Variants in DCC observed in about 807,000 individuals in gnomAD.
DCC encodes DCC netrin 1 receptor.
DCC carries 58 observed loss-of-function variants against 172.5 expected under a neutral mutation model. The ratio of observed to expected loss-of-function variants is 0.34; its 90% CI spans 0.27 to 0.42. The LOEUF is 0.42. Among genes scored for constraint, DCC ranks in the 10% least tolerant of loss-of-function variants. The pLI, the probability that DCC is intolerant of heterozygous loss-of-function variation, is 1.00. For missense variants in DCC, 1,740 were observed against 1,791.0 expected, an observed-to-expected ratio of 0.97 and a Z score of 0.51; for synonymous variants, 709 against 644.5, an observed-to-expected ratio of 1.10 and a Z score of -1.52.
chr18:52,579,197 T>TG (rs1423569189), intron 1 of DCC, among the ~76,000 whole-genome samples: 1 of 152,230 alleles, frequency 6.6e-6, no homozygotes, highest in Non-Finnish European at 1.5e-5. Flanking sequence ...TAAGCTGAAA[T>TG]GAAATGTTCT....
At chr18:53,174,973 T>A (rs370799051) in intron 8 of DCC, among the ~76,000 whole-genome samples, 27 of 152,164 alleles carry the variant, frequency 1.8e-4, no homozygotes, top group African/African-American at 6.0e-4. Context: ...AAAAGCTTAT[T>A]CACCATGATC....
intron 15 of DCC, among the ~76,000 whole-genome samples, chr18:53,370,225 G>A (rs1004228583): frequency 1.3e-5 from 2 of 151,610 alleles, no homozygotes; most frequent in Non-Finnish European, 3.0e-5. Flanking sequence ...TTTGTTATCC[G>A]ATTTGTTGAT....
At chr18:52,738,549 T>C (rs761965254) in intron 1 of DCC, among the ~76,000 whole-genome samples, 3 of 152,140 alleles carry the variant, frequency 2.0e-5, no homozygotes, top group Non-Finnish European at 4.4e-5. Flanking sequence ...GGATGAGAAG[T>C]GAGTCAATGA....
chr18:53,135,515 T>C lies in DCC; in HGVS notation c.1262-21841T>C, dbSNP rs74548347. 1.8e-3 allele frequency among the ~76,000 whole-genome samples: 281 copies of C among 152,276 alleles called. 2 individuals carry two copies. The highest frequency in any genetic ancestry group is 6.8e-3 in the Middle Eastern group (2 of 294). On this transcript the variant is annotated intron_variant, in intron 7 of 28. Transcript: ENST00000442544. ...AATTGTCTAGGATTGCAGGAATTAT[T>C]TTCTGCAAGTGTTGCTGGTAATTCT...
At chr18:52,537,218 C>G (rs1478568204) in intron 1 of DCC, among the ~76,000 whole-genome samples, 1 of 152,066 alleles carries the variant, frequency 6.6e-6, no homozygotes, top group Non-Finnish European at 1.5e-5. Flanking sequence ...TGTGCTTTTG[C>G]TTCAGGAAAT....
At chr18:52,592,041 A>G (rs1248962022) in intron 1 of DCC, among the ~76,000 whole-genome samples, 1 of 152,116 alleles carries the variant, frequency 6.6e-6, no homozygotes, top group Admixed American at 6.6e-5. Context: ...AAAGAAATGG[A>G]AGTACCTTTT....
chr18:52,805,100 G>A (rs1023239131), intron 2 of DCC, among the ~76,000 whole-genome samples: 2 of 152,118 alleles, frequency 1.3e-5, no homozygotes, highest in Non-Finnish European at 2.9e-5. Context: ...AATTCTAGCT[G>A]CCTCACAGAG....
intron 27 of DCC, among the ~76,000 whole-genome samples, chr18:53,504,761 G>C (rs2046149223): frequency 6.6e-6 from 1 of 152,136 alleles, no homozygotes; most frequent in South Asian, 2.1e-4. Flanking sequence ...CCAGAGGAGA[G>C]AGAAATAATT....
intron 1 of DCC, among the ~76,000 whole-genome samples, chr18:52,342,762 C>T (rs569763941): frequency 1.1e-3 from 161 of 152,294 alleles, no homozygotes; most frequent in African/African-American, 3.7e-3. Context: ...GTCAATTACA[C>T]GACAGTATTT....
At chr18:52,402,669 C>A (rs1474268325) in intron 1 of DCC, among the ~76,000 whole-genome samples, 2 of 151,988 alleles carry the variant, frequency 1.3e-5, no homozygotes, top group African/African-American at 4.8e-5. Context: ...ACTAATGAGA[C>A]TATTTTCCTT....
intron 12 of DCC, among the ~76,000 whole-genome samples, chr18:53,297,075 G>A (rs900313798): frequency 5.5e-4 from 83 of 151,888 alleles, no homozygotes; most frequent in African/African-American, 1.7e-3. Flanking sequence ...TTAAAAATAT[G>A]ATAAGTTTAT....
At chr18:52,567,444 C>T (rs986643784) in intron 1 of DCC, among the ~76,000 whole-genome samples, 2 of 152,052 alleles carry the variant, frequency 1.3e-5, no homozygotes, top group African/African-American at 4.8e-5. Flanking sequence ...TGGCTGACAT[C>T]CTGGCTCCAT....
chr18:53,522,504 C>A (rs143364656), intron 27 of DCC, among the ~76,000 whole-genome samples: 1 of 152,134 alleles, frequency 6.6e-6, no homozygotes, highest in Non-Finnish European at 1.5e-5. Context: ...CATCATGCTA[C>A]CTGACTGCAA....
intron 25 of DCC, among the ~76,000 whole-genome samples, chr18:53,475,990 C>A (rs1487465804): frequency 2.0e-5 from 3 of 152,206 alleles, no homozygotes; most frequent in African/African-American, 7.2e-5. Flanking sequence ...GACATGGAAT[C>A]AGAGGAGATC....
intron 7 of DCC, among the ~76,000 whole-genome samples, chr18:53,083,463 A>G (rs1398928366): frequency 6.6e-6 from 1 of 152,190 alleles, no homozygotes; most frequent in East Asian, 1.9e-4. Flanking sequence ...GAATACTAAA[A>G]GAATTTGTGA....
chr18:52,862,490 A>G (rs140417735), intron 2 of DCC, among the ~76,000 whole-genome samples: 3,235 of 152,124 alleles, frequency 0.021, 97 homozygotes, highest in African/African-American at 0.07. Flanking sequence ...ATCACCTGAG[A>G]TCAAGAGTTG....
chr18:53,122,798 A>G (rs2043501323), intron 7 of DCC, among the ~76,000 whole-genome samples: 1 of 152,052 alleles, frequency 6.6e-6, no homozygotes, highest in Non-Finnish European at 1.5e-5. Context: ...AGTTAGTGTG[A>G]AAGCCCTATT....
At chr18:52,402,613 A>T (rs1425366810) in intron 1 of DCC, among the ~76,000 whole-genome samples, 1 of 152,040 alleles carries the variant, frequency 6.6e-6, no homozygotes, top group Non-Finnish European at 1.5e-5. Context: ...CATTTACAAA[A>T]TAAGTTGGTT....
At chr18:53,191,758 A>G (rs896262431) in intron 9 of DCC, among the ~76,000 whole-genome samples, 1 of 130,804 alleles carries the variant, frequency 7.6e-6, no homozygotes, top group Non-Finnish European at 1.8e-5. Flanking sequence ...TATTTTACTC[A>G]GTGTTTACTC....
Sources: gnomAD v4.1 joint callset for allele counts (sites outside exome capture counted in the v4.1 genomes callset) on GRCh38, gnomAD v4.1.1 for gene constraint, MANE v1.5 for transcripts, NCBI Gene and HGNC (gene_info 2026-07-23, HGNC 2026-07-21) for gene names.